PLK2: variants seen among roughly 807,000 people sequenced by gnomAD.
PLK2 encodes the protein polo like kinase 2.
PLK2 carries 25 observed loss-of-function variants against 78.1 expected under a neutral mutation model. The ratio of observed to expected loss-of-function variants is 0.32; its 90% confidence interval spans 0.23 to 0.45. PLK2 has a LOEUF of 0.45. Among genes scored for constraint, PLK2 ranks in the 20% least tolerant of loss-of-function variants. The pLI, the probability that PLK2 is intolerant of heterozygous loss-of-function variation, is 1.00. For synonymous variants in PLK2, 332 were observed against 298.2 expected (o/e 1.11, Z -1.17); for missense variants, 566 against 840.2 (o/e 0.67, Z 4.04).
rs1435603464 is a variant in PLK2 at position 58,455,555 on chromosome 5, G to T, written c.1609C>A (p.Leu537Ile). ...VLFNNGAHMS[L>I]LPDKKTVHYY... is the part of the protein sequence containing the mutation. ...TACACTTACTTTTTGTCTGGAAGGA[G>T]GCTCATGTGAGCACCATTGTTGAAA... The change falls in exon 11 of 14, where the codon CTC becomes ATC. Residue 537 changes from leucine (L) to isoleucine (I), a missense_variant. Transcript: ENST00000274289. 2 of 1,614,112 alleles carry T rather than the reference G, an allele frequency of 1.2e-6. No individual in the cohort carries two copies. Among genetic ancestry groups the T allele is most frequent in the South Asian group, 2.2e-5 (2 of 91,080 alleles).
At chr5:58,459,492 G>A (rs1743697582) in intron 1 of PLK2, 198 bp downstream of exon 1, 2 of 593,622 alleles carry the variant, frequency 3.4e-6, no homozygotes, top group Non-Finnish European at 5.9e-6. Flanking sequence ...CAGTTCTGAG[G>A]CTAAGAATGC....
At chr5:58,455,174 A>G in intron 12 of PLK2, 111 bp downstream of exon 12, 1 of 1,325,026 alleles carries the variant, frequency 7.5e-7, no homozygotes, top group Non-Finnish European at 1.1e-6. Context: ...GATTCAGTAC[A>G]CCAACGGTAG....
intron 5 of PLK2, 52 bp downstream of exon 5, chr5:58,458,032 G>A (rs1743653810): frequency 9.2e-6 from 9 of 979,490 alleles, no homozygotes; most frequent in South Asian, 2.6e-5. Context: ...AATAATGAAG[G>A]CATATTTGGT....
chr5:58,459,934 T>C lies in PLK2; in HGVS notation c.26A>G (p.Tyr9Cys), dbSNP rs555731909. ...CATTTTGGTGCTGGCGGCTGGCTGG[T>C]AGGTGATAGTCCGCAAAAGCTCCAT... The part of the protein sequence containing the change: MELLRTIT[Y>C]QPAASTKMCE... Residue 9 changes from tyrosine to cysteine, a missense_variant, in exon 1 of 14, where the codon TAC becomes TGC. Physicochemically the swap from Tyr to Cys is radical, Grantham distance 194 (BLOSUM62 -2). This residue lies in a region of PLK2 where 127 missense variants were observed against 122.5 expected (regional missense o/e 1.04). Transcript: ENST00000274289. 4 of 1,609,848 alleles carry C rather than the reference T, an allele frequency of 2.5e-6. No homozygotes were observed. The African/African-American group carries it at 4.0e-5, about 16-fold the overall frequency.
chr5:58,456,966 C>T lies in PLK2; in HGVS notation c.1135G>A (p.Ala379Thr), dbSNP rs759176663. The change falls in exon 8 of 14, where the codon GCA (alanine) becomes ACA (threonine). Residue 379 changes from alanine (A) to threonine (T), a missense_variant. Physicochemically the swap from Ala to Thr is moderately conservative, Grantham distance 58. Transcript: ENST00000274289. ...AALFGGKKDK[A>T]RYIDTHNRVS... is the part of the protein sequence containing the mutation. ...TTACTATGTGTGTCAATATATCTTG[C>T]TTTGTCTTTTTTGCCACCAAAAAGA... 3.1e-6 allele frequency: 5 copies of T among 1,610,162 alleles called. No individual in the cohort carries two copies. The East Asian group carries it at 6.7e-5, about 22-fold the overall frequency.
intron 5 of PLK2, chr5:58,457,792 C>T (rs937227121): frequency 3.7e-5 from 22 of 592,796 alleles, no homozygotes; most frequent in East Asian, 1.4e-4. Context: ...AATGCACACA[C>T]GTTGTTTTAG....
rs1743683013 is a variant in PLK2, at chr5:58,458,974, G to A, written c.378+11C>T. On this transcript the variant is annotated intron_variant, in intron 2 of 13. Coordinates refer to ENST00000274289, the MANE Select transcript of PLK2 (RefSeq NM_006622.4). ...CACAAAGAAAATACTTTACTCAAGA[G>A]TCATACGCACCTTTTCCCTTTGATG... 6.7e-7 allele frequency: 1 copy of A among 1,499,972 alleles called. No homozygotes were observed. Among genetic ancestry groups the A allele is most frequent in the African/African-American group, 1.4e-5 (1 of 72,316 alleles). 92.9% of individuals were successfully genotyped at this position (1,499,972 alleles called of 1,614,324 possible). A position where few individuals can be genotyped will look rare whatever the true frequency, so the allele number is the denominator to read the frequency against.
At chr5:58,458,626 T>C (rs757208837) in intron 3 of PLK2, 98 bp from the exon 4 acceptor site, 3 of 1,315,022 alleles carry the variant, frequency 2.3e-6, no homozygotes, top group Non-Finnish European at 3.2e-6. Context: ...AACTTTGCAG[T>C]GTAAGTGCTG....
rs369271371 is a variant in PLK2 at position 58,459,143 on chromosome 5, G to A, written c.271-51C>T. 84 of 894,002 alleles carry A rather than the reference G, an allele frequency of 9.4e-5. 1 individual carries two copies. The highest frequency in any genetic ancestry group is 4.0e-4 in the African/African-American group (24 of 59,704). The allele number at this position is 894,002 out of a possible 1,614,324, so 55.4% of individuals were successfully genotyped here. A position where few individuals can be genotyped will look rare whatever the true frequency, so the allele number is the denominator to read the frequency against. ...AATTGAGGATGGCACAAAAATGGAC[G>A]GCAGATATTTTAAATAAATAAATAA... On this transcript the variant is annotated intron_variant, in intron 1 of 13. Transcript: ENST00000274289.
intron 1 of PLK2, 51 bp downstream of exon 1, chr5:58,459,639 C>A (rs2111716082): frequency 2.7e-6 from 4 of 1,473,258 alleles, no homozygotes; most frequent in Non-Finnish European, 2.7e-6. Flanking sequence ...CTTGGGGTCG[C>A]CCGGACAGAC....
intron 10 of PLK2, 22 bp from the exon 11 acceptor site, chr5:58,455,801 T>A (rs755327445): frequency 6.2e-7 from 1 of 1,609,784 alleles, no homozygotes; most frequent in African/African-American, 1.3e-5. Flanking sequence ...GACAGAAATG[T>A]TTCAAGTTAT....
In PLK2 at chr5:58,458,441, A is replaced by AT. The variant is rs1204867627; in HGVS notation, c.582dup (p.Tyr195IlefsTer4). On this transcript the variant is annotated frameshift_variant, in exon 4 of 14. Coordinates refer to ENST00000274289, the MANE Select transcript of PLK2 (RefSeq NM_006622.4). LOFTEE classifies it high-confidence loss of function. ...TGCAAGATTTCTTGTTCATGAAGGT[A>AT]TTTCAGTCCAGACACAATCTGCCTG... is the stretch of plus-strand genomic sequence containing the variant. 6.2e-7 allele frequency: 1 copy of AT among 1,613,732 alleles called. No homozygotes were observed. The highest frequency in any genetic ancestry group is 1.3e-5 in the African/African-American group (1 of 74,924).
chr5:58,456,160 G>C lies in PLK2; in HGVS notation c.1255-5C>G, dbSNP rs1743597844. ...GGTGGTAGGTGGCTGGAGCTCCTTA[G>C]AAGAGAGAAGATTTATGCAATGAGT... On this transcript the variant is annotated splice_region_variant and splice_polypyrimidine_tract_variant and intron_variant, in intron 9 of 13. Coordinates refer to ENST00000274289, the MANE Select transcript of PLK2 (RefSeq NM_006622.4). 2.5e-6 allele frequency: 4 copies of C among 1,607,606 alleles called. No homozygotes were observed. The highest frequency in any genetic ancestry group is 3.4e-6 in the Non-Finnish European group (4 of 1,178,208).
rs964689104 is a variant in PLK2, at chr5:58,454,315, T to C, written c.*268A>G. The C allele has an allele frequency of 9.0e-6, 3 of 333,084 alleles. No homozygotes were observed. The highest frequency in any genetic ancestry group is 4.2e-5 in the African/African-American group (2 of 47,760). 20.6% of individuals were successfully genotyped at this position (333,084 alleles called of 1,614,324 possible). On this transcript the variant is annotated 3_prime_UTR_variant, in exon 14 of 14. Coordinates refer to ENST00000274289, the MANE Select transcript of PLK2 (RefSeq NM_006622.4). ...TCAACAGAGAGAATTTAAGAATCAA[T>C]GCACCTTTCTGCAAAATTGTCTGAA... is the stretch of plus-strand genomic sequence containing the variant.
chr5:58,455,637 A>G lies in PLK2; in HGVS notation c.1527T>C (p.Asp509=), dbSNP rs1743578712. Residue 509 remains aspartate (D), a synonymous_variant, in exon 11 of 14, where the codon GAT becomes GAC. Transcript: ENST00000274289. ...ACCCAAAGCCATATTTGTTAGAGTA[A>G]TCAACCCATTTGGTGACCCACTGAA... The part of the protein sequence containing the change: ...TSFQWVTKWV[D]YSNKYGFGYQ... 6.2e-7 allele frequency: 1 copy of G among 1,614,008 alleles called. No individual in the cohort carries two copies. The highest frequency in any genetic ancestry group is 1.3e-5 in the African/African-American group (1 of 75,044).
At chr5:58,457,681 A>T (rs1181674370) in intron 5 of PLK2, 98 bp from the exon 6 acceptor site, 1 of 705,088 alleles carries the variant, frequency 1.4e-6, no homozygotes, top group Non-Finnish European at 2.5e-6. Flanking sequence ...TCTTAAACAA[A>T]ATCTTAAAAT....
intron 11 of PLK2, 42 bp from the exon 12 acceptor site, chr5:58,455,456 A>C: frequency 6.2e-7 from 1 of 1,611,366 alleles, no homozygotes; most frequent in Non-Finnish European, 8.5e-7. Flanking sequence ...GGAAAAAAAA[A>C]TAGAAGCAGT....
At chr5:58,459,279 A>C in intron 1 of PLK2, 187 bp from the exon 2 acceptor site, 2 of 598,688 alleles carry the variant, frequency 3.3e-6, no homozygotes, top group Non-Finnish European at 5.9e-6. Context: ...GCATTGCTGG[A>C]AACAGCAAGT....
In PLK2 at chr5:58,459,942, A is replaced by G. The variant is rs777255951; in HGVS notation, c.18T>C (p.Thr6=). 2.5e-6 allele frequency: 4 copies of G among 1,606,996 alleles called. No homozygotes were observed. In the South Asian group the frequency reaches 3.3e-5, roughly 13 times the overall value. MELLR[T]ITYQPAASTK... The stretch of plus-strand genomic sequence containing the variant: ...TGCTGGCGGCTGGCTGGTAGGTGAT[A>G]GTCCGCAAAAGCTCCATGGTCGCCT... The change falls in exon 1 of 14, where the codon ACT becomes ACC. Residue 6 remains threonine, a synonymous_variant. Coordinates refer to ENST00000274289, the MANE Select transcript of PLK2 (RefSeq NM_006622.4).
Sources: gnomAD v4.1 joint callset for allele counts on GRCh38, gnomAD v4.1.1 for gene constraint, gnomAD v4.1.1 regional missense constraint, MANE v1.5 for transcripts, NCBI Gene and HGNC (gene_info 2026-07-23, HGNC 2026-07-21) for gene names.